CDH12: variants seen among roughly 807,000 people sequenced by gnomAD.
CDH12 encodes cadherin-12.
In CDH12, 41 loss-of-function variants were observed where a neutral mutation model predicts 74.1. The observed-to-expected ratio is 0.55, with a 90% CI of 0.43 to 0.72. CDH12 has a LOEUF of 0.72. CDH12 is among the 30% of genes least tolerant of loss of function. The pLI, the probability that CDH12 is intolerant of heterozygous loss-of-function variation, is 0.00. For missense variants in CDH12, 945 were observed against 977.2 expected (o/e 0.97, Z 0.44); for synonymous variants, 399 against 355.0 (o/e 1.12, Z -1.39).
intron 1 of CDH12, among the ~76,000 whole-genome samples, chr5:22,520,181 A>C (rs1736988111): frequency 6.6e-6 from 1 of 152,164 alleles, no homozygotes; most frequent in Admixed American, 6.5e-5. Flanking sequence ...TACCAGCTCA[A>C]TAGGTAACAA....
intron 2 of CDH12, among the ~76,000 whole-genome samples, chr5:22,410,238 G>A (rs997489062): frequency 2.0e-5 from 3 of 151,954 alleles, no homozygotes; most frequent in Non-Finnish European, 4.4e-5. Context: ...TCTTCCCCAA[G>A]GTAGGTCATA....
In CDH12 at chr5:22,248,810, TATC is replaced by T. The variant is rs1753042506; in HGVS notation, c.-332-36170_-332-36168del. Among the ~76,000 whole-genome samples, 5 of 152,104 alleles carry T rather than the reference TATC, an allele frequency of 3.3e-5. No individual in the cohort carries two copies. In the South Asian group the frequency reaches 1.0e-3, roughly 31 times the overall value. ...AGATTTGGAATTGTACTCTCTCACTTATCATATAAGTAACTAAACCATATTCTA... is the reference window on the plus strand; with the variant it reads ...AGATTTGGAATTGTACTCTCTCACTTATATAAGTAACTAAACCATATTCTA... On this transcript the variant is annotated intron_variant, in intron 3 of 14. Coordinates refer to ENST00000382254, the MANE Select transcript of CDH12 (RefSeq NM_004061.5).
intron 4 of CDH12, 68 bp downstream of exon 4, chr5:22,212,430 T>C: frequency 8.4e-6 from 3 of 356,100 alleles, no homozygotes; most frequent in Non-Finnish European, 1.2e-5. Context: ...GAATGTCAGT[T>C]TAGTCAGTTA....
At chr5:22,290,133 G>A (rs1477430710) in intron 3 of CDH12, among the ~76,000 whole-genome samples, 1 of 152,050 alleles carries the variant, frequency 6.6e-6, no homozygotes, top group East Asian at 1.9e-4. Context: ...TGCCATGCCT[G>A]CTACAAAGCT....
At chr5:22,240,984 G>T (rs529092122) in intron 3 of CDH12, among the ~76,000 whole-genome samples, 13 of 152,220 alleles carry the variant, frequency 8.5e-5, no homozygotes, top group Admixed American at 2.6e-4. Context: ...GAGGAGAAGA[G>T]AAAGAATGGA....
chr5:22,722,220 C>T (rs146264354), intron 1 of CDH12, among the ~76,000 whole-genome samples: 6 of 152,134 alleles, frequency 3.9e-5, no homozygotes, highest in Non-Finnish European at 5.9e-5. Flanking sequence ...AACCCTATAC[C>T]CCAAGCAGCA....
intron 4 of CDH12, among the ~76,000 whole-genome samples, chr5:22,155,362 G>C (rs905620391): frequency 1.2e-4 from 19 of 152,090 alleles, no homozygotes; most frequent in African/African-American, 4.3e-4. Flanking sequence ...AGGAGAGGTG[G>C]CATATAATTG....
intron 5 of CDH12, among the ~76,000 whole-genome samples, chr5:21,998,564 T>A (rs1736428847): frequency 6.6e-6 from 1 of 152,140 alleles, no homozygotes. Flanking sequence ...TTAAAATTTT[T>A]AAAAATGTCT....
At chr5:22,821,055 C>T (rs1034458191) in intron 1 of CDH12, among the ~76,000 whole-genome samples, 2 of 152,250 alleles carry the variant, frequency 1.3e-5, no homozygotes, top group Admixed American at 1.3e-4. Flanking sequence ...TGGGCTTCAT[C>T]CCTGGGATGC....
At chr5:22,734,608 A>G (rs970457510) in intron 1 of CDH12, among the ~76,000 whole-genome samples, 4 of 151,950 alleles carry the variant, frequency 2.6e-5, no homozygotes, top group African/African-American at 9.7e-5. Context: ...TTTATACCCA[A>G]CTTCTTCTCC....
At chr5:22,389,358 A>T (rs2126412181) in intron 3 of CDH12, among the ~76,000 whole-genome samples, 1 of 152,310 alleles carries the variant, frequency 6.6e-6, no homozygotes, top group East Asian at 1.9e-4. Flanking sequence ...TGACTTAAAC[A>T]GATTATGGAT....
intron 3 of CDH12, among the ~76,000 whole-genome samples, chr5:22,352,757 T>C (rs1471823951): frequency 6.6e-6 from 1 of 152,176 alleles, no homozygotes; most frequent in Non-Finnish European, 1.5e-5. Flanking sequence ...TGCAGAACAA[T>C]GCGAAACCCT....
intron 5 of CDH12, among the ~76,000 whole-genome samples, chr5:21,985,392 C>T (rs1757472379): frequency 6.6e-6 from 1 of 152,034 alleles, no homozygotes. Flanking sequence ...TCTGATAGAT[C>T]TATACACACA....
chr5:22,425,382 G>T (rs1261259), intron 2 of CDH12, among the ~76,000 whole-genome samples: 141,819 of 150,946 alleles, frequency 0.94, 66,736 homozygotes, highest in African/African-American at 0.98. Context: ...AGTGTACTGT[G>T]TACTTATTTA....
chr5:22,046,146 T>A (rs897118093), intron 5 of CDH12, among the ~76,000 whole-genome samples: 1 of 152,186 alleles, frequency 6.6e-6, no homozygotes, highest in Non-Finnish European at 1.5e-5. Flanking sequence ...TCAAGTAGTG[T>A]AGATGTTCTG....
intron 5 of CDH12, among the ~76,000 whole-genome samples, chr5:22,029,867 T>C (rs1283420801): frequency 6.6e-6 from 1 of 151,802 alleles, no homozygotes; most frequent in Admixed American, 6.6e-5. Flanking sequence ...CCAACCCAAA[T>C]GTCCAACAAT....
chr5:22,689,902 T>C (rs1013684241), intron 1 of CDH12, among the ~76,000 whole-genome samples: 4 of 152,032 alleles, frequency 2.6e-5, no homozygotes, highest in Admixed American at 2.6e-4. Flanking sequence ...AATTCTATAA[T>C]TTAGCTATAA....
At chr5:22,100,009 C>G (rs188860941) in intron 4 of CDH12, among the ~76,000 whole-genome samples, 1 of 152,266 alleles carries the variant, frequency 6.6e-6, no homozygotes, top group African/African-American at 2.4e-5. Context: ...CACGCTGCCC[C>G]TAATGCCGCT....
chr5:22,093,434 G>A (rs546177551), intron 4 of CDH12, among the ~76,000 whole-genome samples: 43 of 152,170 alleles, frequency 2.8e-4, no homozygotes, highest in African/African-American at 9.9e-4. Flanking sequence ...TTATTACATG[G>A]CAATGAAAAG....
Sources: allele counts gnomAD v4.1 joint callset (sites outside exome capture counted in the v4.1 genomes callset), GRCh38; gene constraint gnomAD v4.1.1; transcripts MANE v1.5; gene names NCBI Gene and HGNC (gene_info 2026-07-23, HGNC 2026-07-21).